Variants in EIF4H observed in about 807,000 individuals in gnomAD.
EIF4H encodes eukaryotic translation initiation factor 4H.
EIF4H carries 8 observed loss-of-function variants against 30.6 expected under a neutral mutation model. That is an observed-to-expected ratio of 0.26 (90% confidence interval 0.15 to 0.47). EIF4H has a LOEUF of 0.47. EIF4H is among the 20% of genes least tolerant of loss of function. EIF4H has a pLI of 0.99. For missense variants in EIF4H, 188 were observed against 339.5 expected (o/e 0.55, Z 3.51); for synonymous variants, 106 against 122.7 (o/e 0.86, Z 0.90).
intron 1 of EIF4H, among the ~76,000 whole-genome samples, chr7:74,186,127 A>G (rs1801075319): frequency 6.6e-6 from 1 of 152,022 alleles, no homozygotes. Context: ...AATGTTGGCC[A>G]TCTTGGCACT....
chr7:74,186,249 ACT>A (rs1205015462), intron 1 of EIF4H, among the ~76,000 whole-genome samples: 1 of 145,562 alleles, frequency 6.9e-6, no homozygotes, highest in Non-Finnish European at 1.5e-5. Context: ...TTTGAGATGG[ACT>A]CTCGCTCTGT....
intron 1 of EIF4H, among the ~76,000 whole-genome samples, chr7:74,181,300 A>G (rs1438973201): frequency 6.6e-6 from 1 of 151,848 alleles, no homozygotes; most frequent in African/African-American, 2.4e-5. Flanking sequence ...AATAGTTCTT[A>G]TTTTTTTAAA....
At chr7:74,185,392 A>G (rs1343643480) in intron 1 of EIF4H, among the ~76,000 whole-genome samples, 1 of 152,216 alleles carries the variant, frequency 6.6e-6, no homozygotes, top group East Asian at 1.9e-4. Context: ...ATAGAGTACT[A>G]TTGGCAAAGG....
Position 74,182,410 on chromosome 7 carries a change from C to CA in EIF4H, c.60-5198dup, listed in dbSNP as rs554342780. On this transcript the variant is annotated intron_variant, in intron 1 of 6. Transcript: ENST00000265753. ...TTTGCCGTGTTCCCCACGCTGGTCTCAAACTCCTGAGCTCAAGTGATCTCC... is the reference window on the plus strand; with the variant it reads ...TTTGCCGTGTTCCCCACGCTGGTCTCAAAACTCCTGAGCTCAAGTGATCTCC... 2.5e-4 allele frequency among the ~76,000 whole-genome samples: 38 copies of CA among 152,348 alleles called. No homozygotes were observed. The South Asian group carries it at 7.0e-3, about 28-fold the overall frequency.
In EIF4H at chr7:74,194,779, C is replaced by T. The variant is rs782046530; in HGVS notation, c.508C>T (p.Arg170Cys). 1.9e-6 allele frequency: 3 copies of T among 1,600,340 alleles called. No individual in the cohort carries two copies. The highest frequency in any genetic ancestry group is 1.7e-6 in the Non-Finnish European group (2 of 1,168,666). ...DDFLGGRGGS[R>C]PGDRRTGPPM... The stretch of plus-strand genomic sequence containing the variant: ...CTTCTTAGGGGGCAGGGGAGGTAGT[C>T]GCCCAGGCGACCGGCGAACAGGCCC... The change falls in exon 6 of 7, where the codon CGC becomes TGC. Residue 170 changes from arginine (R) to cysteine (C), a missense_variant. Physicochemically the swap from Arg to Cys is radical, Grantham distance 180. Coordinates refer to ENST00000265753, the MANE Select transcript of EIF4H (RefSeq NM_022170.2).
intron 6 of EIF4H, 68 bp downstream of exon 6, chr7:74,194,946 G>GT: frequency 6.5e-7 from 1 of 1,535,952 alleles, no homozygotes; most frequent in South Asian, 1.2e-5. Flanking sequence ...TTCACACCCC[G>GT]TGGGGACTTG....
intron 1 of EIF4H, among the ~76,000 whole-genome samples, chr7:74,175,254 A>G (rs575600724): frequency 1.3e-5 from 2 of 152,370 alleles, no homozygotes; most frequent in Middle Eastern, 3.4e-3. Context: ...CATGGTGTTT[A>G]ATTCCAGGAC....
Position 74,190,228 on chromosome 7 carries a change from C to T in EIF4H, c.410-19C>T, listed in dbSNP as rs781831841. Reference sequence around the variant, plus strand: ...GGTAATGACACGACCTCAACTTTATCTTTTTTGTGTATCCTCAGGAATGGG... The same window carrying T: ...GGTAATGACACGACCTCAACTTTATTTTTTTTGTGTATCCTCAGGAATGGG... On this transcript the variant is annotated intron_variant, in intron 4 of 6. Transcript: ENST00000265753. The T allele has an allele frequency of 2.5e-6, 4 of 1,612,800 alleles. No homozygotes were observed. In the East Asian group the frequency reaches 8.9e-5, roughly 36 times the overall value.
intron 2 of EIF4H, among the ~76,000 whole-genome samples, chr7:74,188,323 C>T (rs1449507513): frequency 5.9e-5 from 9 of 152,078 alleles, no homozygotes; most frequent in Non-Finnish European, 1.5e-5. Context: ...CTGCAGGGTG[C>T]GGGAGCAAAG....
intron 5 of EIF4H, among the ~76,000 whole-genome samples, chr7:74,193,907 A>C (rs1554710337): frequency 6.6e-6 from 1 of 152,092 alleles, no homozygotes; most frequent in African/African-American, 2.4e-5. Flanking sequence ...CTTTTTACCA[A>C]ATTTTAACAT....
intron 5 of EIF4H, among the ~76,000 whole-genome samples, chr7:74,193,454 G>A (rs1253695881): frequency 6.6e-6 from 1 of 152,132 alleles, no homozygotes; most frequent in Non-Finnish European, 1.5e-5. Context: ...ACTGTATAGT[G>A]CATACTGCGG....
At chr7:74,182,123 G>C (rs2115949634) in intron 1 of EIF4H, among the ~76,000 whole-genome samples, 1 of 152,186 alleles carries the variant, frequency 6.6e-6, no homozygotes, top group South Asian at 2.1e-4. Flanking sequence ...CCCAGTTTTT[G>C]CAAAGATGAC....
rs1554709226 is a variant in EIF4H at position 74,186,800 on chromosome 7, T to A, written c.60-811T>A. 6.8e-3 allele frequency among the ~76,000 whole-genome samples: 71 copies of A among 10,366 alleles called. 15 individuals carry two copies. The highest frequency in any genetic ancestry group is 0.026 in the African/African-American group (49 of 1,868). The allele number at this position is 10,366 out of a possible 152,430, so 6.8% of individuals were successfully genotyped here. A position where few individuals can be genotyped will look rare whatever the true frequency, so the allele number is the denominator to read the frequency against. On this transcript the variant is annotated intron_variant, in intron 1 of 6. Transcript: ENST00000265753. ...GCAACAAGGAGAAATTTTTTTTTTT[T>A]TTTTTTTTTTTTTTTTTTTTTTTTT...
chr7:74,193,967 A>G (rs77333930), intron 5 of EIF4H, among the ~76,000 whole-genome samples: 3,324 of 152,310 alleles, frequency 0.022, 110 homozygotes, highest in African/African-American at 0.073. Flanking sequence ...ACAAGCCTGA[A>G]GGCCCCTTAA....
intron 1 of EIF4H, among the ~76,000 whole-genome samples, chr7:74,182,415 T>A (rs1394734982): frequency 1.3e-5 from 2 of 152,180 alleles, no homozygotes; most frequent in Non-Finnish European, 2.9e-5. Context: ...GGTCTCAAAC[T>A]CCTGAGCTCA....
At chr7:74,176,307 G>A (rs1008480538) in intron 1 of EIF4H, among the ~76,000 whole-genome samples, 5 of 148,396 alleles carry the variant, frequency 3.4e-5, no homozygotes, top group African/African-American at 7.5e-5. Context: ...GTGTGATCTC[G>A]GCTCACTGCA....
intron 1 of EIF4H, among the ~76,000 whole-genome samples, chr7:74,184,969 C>G (rs1255291924): frequency 6.6e-6 from 1 of 152,116 alleles, no homozygotes; most frequent in Non-Finnish European, 1.5e-5. Flanking sequence ...GTATGAGCCA[C>G]TGTGCCCCGC....
Position 74,189,699 on chromosome 7 carries a change from G to A in EIF4H, c.274G>A (p.Val92Met). 1 of 1,614,162 alleles carries A rather than the reference G, an allele frequency of 6.2e-7. No homozygotes were observed. Among genetic ancestry groups the A allele is most frequent in the Non-Finnish European group, 8.5e-7 (1 of 1,180,030 alleles). The change falls in exon 3 of 7, where the codon GTG becomes ATG. Residue 92 changes from valine to methionine, a missense_variant. Transcript: ENST00000265753. ...KGFCYVEFDE[V>M]DSLKEALTYD... ...ATTCTGCTATGTAGAATTCGATGAA[G>A]TGGATTCCCTTAAGGAAGCCTTGAC...
chr7:74,183,274 G>T (rs1391114964), intron 1 of EIF4H, among the ~76,000 whole-genome samples: 2 of 152,156 alleles, frequency 1.3e-5, no homozygotes, highest in Admixed American at 6.6e-5. Context: ...GTAGTGGCAG[G>T]GAGTTTGCAG....
Sources: allele counts gnomAD v4.1 joint callset (sites outside exome capture counted in the v4.1 genomes callset), GRCh38; gene constraint gnomAD v4.1.1; transcripts MANE v1.5; gene names NCBI Gene and HGNC (gene_info 2026-07-23, HGNC 2026-07-21).